HDAC8: variants seen among roughly 807,000 people sequenced by gnomAD.
HDAC8 encodes the protein histone deacetylase 8, also known as histone deacetylase-like 1.
In HDAC8, 1 loss-of-function variant was observed where a neutral mutation model predicts 32.2. The observed-to-expected ratio is 0.03, with a 90% confidence interval of 0.01 to 0.15. HDAC8 has a LOEUF of 0.15. Among genes scored for constraint, HDAC8 ranks in the 10% least tolerant of loss-of-function variants. HDAC8 has a pLI of 1.00. For missense variants in HDAC8, 117 were observed against 300.0 expected, an observed-to-expected ratio of 0.39 and a Z score of 4.51; for synonymous variants, 108 against 113.9, an observed-to-expected ratio of 0.95 and a Z score of 0.33.
intron 4 of HDAC8, among the ~76,000 whole-genome samples, chrX:72,503,949 G>A (rs1052825846): frequency 3.6e-5 from 4 of 111,814 alleles, no homozygotes; most frequent in Non-Finnish European, 7.5e-5. Context: ...ATATTTTGTC[G>A]ACCTCAAAAA....
Position 72,522,174 on chromosome X carries a change from C to T in HDAC8, c.438-26906G>A, listed in dbSNP as rs904443626. Among the ~76,000 whole-genome samples the T allele has an allele frequency of 4.5e-5, 5 of 112,083 alleles. No individual in the cohort carries two copies. The Admixed American group carries it at 4.7e-4, about 11-fold the overall frequency. ...AAACCTCTCTGAACCTCAGGTTCTC[C>T]ATATATACAGTGGTAATGATAATAA... On this transcript the variant is annotated intron_variant, in intron 4 of 10. Transcript: ENST00000373573.
chrX:72,381,481 A>T (rs1602637202), intron 9 of HDAC8, among the ~76,000 whole-genome samples: 1 of 111,562 alleles, frequency 9.0e-6, no homozygotes, highest in Non-Finnish European at 1.9e-5. Flanking sequence ...TCTGCACTAA[A>T]ATCCTCTAAA....
At chrX:72,506,185 G>A (rs1556018967) in intron 4 of HDAC8, among the ~76,000 whole-genome samples, 1 of 112,333 alleles carries the variant, frequency 8.9e-6, no homozygotes, top group African/African-American at 3.2e-5. Flanking sequence ...CCTAGACTAT[G>A]ATAGAAGTTG....
At chrX:72,376,163 C>T (rs1299193812) in intron 9 of HDAC8, among the ~76,000 whole-genome samples, 2 of 111,144 alleles carry the variant, frequency 1.8e-5, no homozygotes, top group East Asian at 5.7e-4. Context: ...CACGCCTTGG[C>T]CTCCCAAAGT....
chrX:72,397,602 T>C (rs1422746125), intron 9 of HDAC8, among the ~76,000 whole-genome samples: 1 of 111,576 alleles, frequency 9.0e-6, no homozygotes, highest in Admixed American at 9.5e-5. Flanking sequence ...ACCCTAGAGG[T>C]ACCCTGCCTT....
At chrX:72,558,730 T>C (rs924266664) in intron 4 of HDAC8, among the ~76,000 whole-genome samples, 6 of 109,637 alleles carry the variant, frequency 5.5e-5, no homozygotes, top group South Asian at 4.1e-4. Flanking sequence ...GTACTGGAAG[T>C]CCTAGTCAGA....
Position 72,554,747 on chromosome X carries a change from G to T in HDAC8, c.437+13142C>A, listed in dbSNP as rs918490581. Among the ~76,000 whole-genome samples the T allele has an allele frequency of 4.5e-5, 5 of 111,691 alleles. No individual in the cohort carries two copies. The Admixed American group carries it at 4.7e-4, about 11-fold the overall frequency. ...CCCACCCAAGGAGACTCTGAGCTCA[G>T]ACACACACCTACCCCTGCCTCCACC... is the stretch of plus-strand genomic sequence containing the variant. On this transcript the variant is annotated intron_variant, in intron 4 of 10. Coordinates refer to ENST00000373573, the MANE Select transcript of HDAC8 (RefSeq NM_018486.3).
At chrX:72,514,147 A>G (rs188523231) in intron 4 of HDAC8, among the ~76,000 whole-genome samples, 39 of 112,535 alleles carry the variant, frequency 3.5e-4, no homozygotes, top group African/African-American at 1.2e-3. Context: ...GGTGGAAGAT[A>G]TGATGTAAGG....
Position 72,343,276 on chromosome X carries a change from C to T in HDAC8, c.1111+8457G>A, listed in dbSNP as rs187367500. On this transcript the variant is annotated intron_variant, in intron 10 of 10. Transcript: ENST00000373573. ...CCTTGACCTCCTGGGCTCAATTGAT[C>T]CTCACATCTCAGCCTCCCAAGTAGT... Among the ~76,000 whole-genome samples the T allele has an allele frequency of 3.0e-3, 330 of 109,128 alleles. 2 individuals are homozygous for T. Among genetic ancestry groups the T allele is most frequent in the Non-Finnish European group, 4.1e-3 (213 of 52,528 alleles). The allele number at this position is 109,128 out of a possible 115,157, so 94.8% of individuals were successfully genotyped here.
chrX:72,485,553 A>G (rs1180487206), intron 7 of HDAC8, among the ~76,000 whole-genome samples: 6 of 110,754 alleles, frequency 5.4e-5, no homozygotes, highest in East Asian at 2.8e-4. Flanking sequence ...AGAAAGGAAA[A>G]GAGGAGGAAA....
chrX:72,405,150 G>A (rs2046004060), intron 9 of HDAC8, among the ~76,000 whole-genome samples: 1 of 110,752 alleles, frequency 9.0e-6, no homozygotes, highest in Non-Finnish European at 1.9e-5. Flanking sequence ...CCTCTGATAA[G>A]CCCCAGTGTG....
chrX:72,489,939 G>A (rs1440676488), intron 6 of HDAC8, among the ~76,000 whole-genome samples: 49 of 111,399 alleles, frequency 4.4e-4, no homozygotes, highest in Middle Eastern at 4.7e-3. Flanking sequence ...AAAAGTGGGC[G>A]AAGGACATGA....
chrX:72,378,952 G>A (rs1555959146), intron 9 of HDAC8, among the ~76,000 whole-genome samples: 1 of 109,299 alleles, frequency 9.1e-6, no homozygotes, highest in African/African-American at 3.3e-5. Flanking sequence ...CCACCTCCAA[G>A]GTTCAAGCAA....
intron 9 of HDAC8, among the ~76,000 whole-genome samples, chrX:72,443,784 G>A (rs1453438805): frequency 3.5e-4 from 38 of 108,229 alleles, no homozygotes; most frequent in South Asian, 1.6e-3. Context: ...TTGATAGACC[G>A]CTAGCAAGAC....
chrX:72,565,167 G>A (rs142259314), intron 4 of HDAC8, among the ~76,000 whole-genome samples: 239 of 112,593 alleles, frequency 2.1e-3, no homozygotes, highest in African/African-American at 7.3e-3. Context: ...TCTGCTTACT[G>A]GTGATGATAA....
chrX:72,401,788 C>T (rs2045908310), intron 9 of HDAC8, among the ~76,000 whole-genome samples: 1 of 112,104 alleles, frequency 8.9e-6, no homozygotes, highest in East Asian at 2.8e-4. Flanking sequence ...ATATGATTTG[C>T]AAATATTATC....
chrX:72,349,976 G>C (rs1428708268), intron 10 of HDAC8, among the ~76,000 whole-genome samples: 1 of 111,709 alleles, frequency 9.0e-6, no homozygotes, highest in Non-Finnish European at 1.9e-5. Context: ...AAGAGAAGCC[G>C]GTCCAGGATC....
At position 72,329,792 on chromosome X, in the gene HDAC8, TTGTG is replaced by T; in HGVS notation, c.*258_*261del. 7.3e-6 allele frequency: 8 copies of T among 1,094,194 alleles called. No individual in the cohort carries two copies. In the South Asian group the frequency reaches 1.4e-4, roughly 19 times the overall value. 90.2% of individuals were successfully genotyped at this position (1,094,194 alleles called of 1,213,427 possible). The stretch of plus-strand genomic sequence containing the variant: ...AATTTTCAAAGATTAAAAATTTCAT[TTGTG>T]TGTGTGTGTTTTTTTAAATAAGAAC... On this transcript the variant is annotated 3_prime_UTR_variant, in exon 11 of 11. Coordinates refer to ENST00000373573, the MANE Select transcript of HDAC8 (RefSeq NM_018486.3).
At chrX:72,465,711 G>T (rs998371788) in intron 7 of HDAC8, among the ~76,000 whole-genome samples, 3 of 111,750 alleles carry the variant, frequency 2.7e-5, no homozygotes, top group Non-Finnish European at 5.6e-5. Flanking sequence ...GATAAAAAAT[G>T]TTGAGGTTAA....
Sources: allele counts gnomAD v4.1 joint callset (sites outside exome capture counted in the v4.1 genomes callset), GRCh38; gene constraint gnomAD v4.1.1; transcripts MANE v1.5; gene names NCBI Gene and HGNC (gene_info 2026-07-23, HGNC 2026-07-21).